WDR64: variants seen among roughly 807,000 people sequenced by gnomAD.
WDR64 encodes WD repeat-containing protein 64.
In WDR64, 112 loss-of-function variants were observed where a neutral mutation model predicts 139.3. That is an observed-to-expected ratio of 0.80 (90% CI 0.69 to 0.94). WDR64 has a LOEUF of 0.94. WDR64 is among the 40% of genes least tolerant of loss of function. WDR64 has a pLI of 0.00. For missense variants in WDR64, 1,206 were observed against 1,293.1 expected (o/e 0.93, Z 1.03); for synonymous variants, 444 against 437.7 (o/e 1.01, Z -0.18).
At chr1:241,685,457 C>A (rs1666968618) in intron 7 of WDR64, among the ~76,000 whole-genome samples, 1 of 151,806 alleles carries the variant, frequency 6.6e-6, no homozygotes, top group Non-Finnish European at 1.5e-5. Flanking sequence ...TGTATTTCTA[C>A]TTAGAAAAAT....
chr1:241,652,734 G>A, intron 1 of WDR64, 105 bp downstream of exon 1: 1 of 1,348,796 alleles, frequency 7.4e-7, no homozygotes, highest in Non-Finnish European at 9.9e-7. Flanking sequence ...TGAAAGAATG[G>A]GTGCTGAAAG....
intron 14 of WDR64, among the ~76,000 whole-genome samples, chr1:241,750,142 C>T (rs2148263187): frequency 6.6e-6 from 1 of 152,276 alleles, no homozygotes; most frequent in South Asian, 2.1e-4. Context: ...TCACCAAAAT[C>T]GCTTTGTTTA....
chr1:241,748,069 A>C (rs1669831569), intron 13 of WDR64, among the ~76,000 whole-genome samples: 1 of 152,198 alleles, frequency 6.6e-6, no homozygotes, highest in Non-Finnish European at 1.5e-5. Flanking sequence ...GGAGAGGAAC[A>C]GCCAACACTG....
At position 241,799,225 on chromosome 1, in the gene WDR64, AC is replaced by A. The variant is rs1249844704; in HGVS notation, c.3193-1906del. On this transcript the variant is annotated intron_variant, in intron 27 of 27. Coordinates refer to ENST00000437684, the MANE Select transcript of WDR64 (RefSeq NM_001367482.1). The stretch of plus-strand genomic sequence containing the variant: ...TCCAAAAAAAAAAAAAAAAAAAAAT[AC>A]AAAAATTAGCCGGGTGTGGTGGTGC... Among the ~76,000 whole-genome samples the A allele has an allele frequency of 4.9e-4, 63 of 127,478 alleles. 1 individual carries two copies. Among genetic ancestry groups the A allele is most frequent in the African/African-American group, 8.8e-4 (31 of 35,236 alleles). 83.6% of individuals were successfully genotyped at this position (127,478 alleles called of 152,430 possible). A position where few individuals can be genotyped will look rare whatever the true frequency, so the allele number is the denominator to read the frequency against.
chr1:241,711,010 G>A (rs572193199), intron 8 of WDR64, among the ~76,000 whole-genome samples: 2 of 152,332 alleles, frequency 1.3e-5, no homozygotes, highest in African/African-American at 4.8e-5. Context: ...GCTGAAGCAG[G>A]TGGATCACCT....
At chr1:241,710,231 C>G (rs893843808) in intron 8 of WDR64, among the ~76,000 whole-genome samples, 2 of 152,046 alleles carry the variant, frequency 1.3e-5, no homozygotes, top group Non-Finnish European at 2.9e-5. Flanking sequence ...TTTCCAATAA[C>G]CCTGTTTCTT....
chr1:241,658,926 G>T (rs1210037914), intron 1 of WDR64, among the ~76,000 whole-genome samples: 7 of 149,968 alleles, frequency 4.7e-5, no homozygotes, highest in African/African-American at 1.7e-4. Flanking sequence ...AAGTTCAGGG[G>T]TACGTGTGCA....
At position 241,702,880 on chromosome 1, in the gene WDR64, T is replaced by C. The variant is rs1402116172; in HGVS notation, c.975-8922T>C. Among the ~76,000 whole-genome samples, 8 of 152,312 alleles carry C rather than the reference T, an allele frequency of 5.3e-5. No homozygotes were observed. The East Asian group carries it at 1.5e-3, about 29-fold the overall frequency. On this transcript the variant is annotated intron_variant, in intron 8 of 27. Transcript: ENST00000437684. ...TGCTACAGTGGCAGAGTTGAGTAGT[T>C]CTGACAACAGAGACTTTATGGCAAA...
chr1:241,746,571 GAAA>G (rs71174843), intron 13 of WDR64, among the ~76,000 whole-genome samples: 15 of 145,954 alleles, frequency 1.0e-4, no homozygotes, highest in Admixed American at 4.8e-4. Flanking sequence ...ACCAAAAACT[GAAA>G]AAAAAAAAAT....
intron 10 of WDR64, among the ~76,000 whole-genome samples, chr1:241,724,784 A>G (rs767895281): frequency 1.3e-5 from 2 of 152,226 alleles, no homozygotes; most frequent in Non-Finnish European, 2.9e-5. Context: ...TGTAAATTAT[A>G]ATAACTACCA....
At chr1:241,705,563 AAT>A (rs1553368519) in intron 8 of WDR64, among the ~76,000 whole-genome samples, 2,866 of 63,120 alleles carry the variant, frequency 0.045, 82 homozygotes, top group African/African-American at 0.13. Flanking sequence ...ATAAATAAAT[AAT>A]AATAATAATA....
At chr1:241,737,575 C>G (rs1420112196) in intron 10 of WDR64, among the ~76,000 whole-genome samples, 1 of 152,134 alleles carries the variant, frequency 6.6e-6, no homozygotes, top group Non-Finnish European at 1.5e-5. Flanking sequence ...TTCCCCCCAG[C>G]TTCTACAACT....
rs760363214 is a variant in WDR64 at position 241,801,138 on chromosome 1, CGAA to C, written c.3207_3209del (p.Arg1069del). 27 of 1,612,968 alleles carry C rather than the reference CGAA, an allele frequency of 1.7e-5. No individual in the cohort carries two copies. Among genetic ancestry groups the C allele is most frequent in the Middle Eastern group, 1.6e-4 (1 of 6,080 alleles). ...CATGCTCTTTATTTCACAGGCACCA[CGAA>C]GAAGAAGTTTGAAAAAAAATTTAGT... On this transcript the variant is annotated inframe_deletion, in exon 28 of 28. Coordinates refer to ENST00000437684, the MANE Select transcript of WDR64 (RefSeq NM_001367482.1).
chr1:241,748,592 A>G (rs1236170654), intron 13 of WDR64, among the ~76,000 whole-genome samples: 1 of 152,130 alleles, frequency 6.6e-6, no homozygotes, highest in Non-Finnish European at 1.5e-5. Context: ...ATGATCTCCA[A>G]ACACCATCAC....
intron 10 of WDR64, among the ~76,000 whole-genome samples, chr1:241,727,183 A>G (rs7530621): frequency 0.99 from 150,906 of 152,308 alleles, 74,761 homozygotes; most frequent in East Asian, 1. Context: ...CACCGTGCCC[A>G]GCTTAGGAAA....
intron 1 of WDR64, among the ~76,000 whole-genome samples, chr1:241,654,740 T>G (rs1419647477): frequency 6.6e-6 from 1 of 152,218 alleles, no homozygotes; most frequent in Non-Finnish European, 1.5e-5. Flanking sequence ...CAAAACTTTT[T>G]GAGAGCTGAC....
intron 8 of WDR64, among the ~76,000 whole-genome samples, chr1:241,708,961 A>C (rs192806177): frequency 9.8e-4 from 149 of 152,264 alleles, no homozygotes; most frequent in African/African-American, 3.4e-3. Flanking sequence ...AGTTGTATAT[A>C]CAGGTCTAAG....
In WDR64 at chr1:241,801,163, T is replaced by G. The variant is rs1331740582; in HGVS notation, c.3224T>G (p.Leu1075Ter). ...CGAAGAAGAAGTTTGAAAAAAAATT[T>G]AGTCCCACAAATAAATCTGGCTTCT... is the stretch of plus-strand genomic sequence containing the variant. ...APRRRSLKKN[L>*]VPQINLASSF... Residue 1075 changes from leucine (L) to a stop codon, truncating the protein, a stop_gained, in exon 28 of 28, where the codon TTA becomes TGA. Coordinates refer to ENST00000437684, the MANE Select transcript of WDR64 (RefSeq NM_001367482.1). LOFTEE classifies it high-confidence loss of function. 3.7e-6 allele frequency: 6 copies of G among 1,613,812 alleles called. No homozygotes were observed. The highest frequency in any genetic ancestry group is 5.1e-6 in the Non-Finnish European group (6 of 1,179,840).
Position 241,696,867 on chromosome 1 carries a change from A to G in WDR64, c.974+9272A>G, listed in dbSNP as rs79902634. Among the ~76,000 whole-genome samples, 1,099 of 152,190 alleles carry G rather than the reference A, an allele frequency of 7.2e-3. 11 individuals are homozygous for G. The highest frequency in any genetic ancestry group is 0.025 in the African/African-American group (1,043 of 41,506). Reference sequence around the variant, plus strand: ...TCTCATCCTGTGACTAAGAATGCCTAAGCTTCTGTAAATGTAGCCCAGCAG... The same window carrying G: ...TCTCATCCTGTGACTAAGAATGCCTGAGCTTCTGTAAATGTAGCCCAGCAG... On this transcript the variant is annotated intron_variant, in intron 8 of 27. Transcript: ENST00000437684.
Sources: allele counts gnomAD v4.1 joint callset (sites outside exome capture counted in the v4.1 genomes callset), GRCh38; gene constraint gnomAD v4.1.1; transcripts MANE v1.5; gene names NCBI Gene and HGNC (gene_info 2026-07-23, HGNC 2026-07-21).